Variants in PEAK1 observed in about 807,000 individuals in gnomAD.
PEAK1 encodes pseudopodium enriched atypical kinase 1, also known as inactive tyrosine-protein kinase PEAK1.
A neutral mutation model predicts 124.7 loss-of-function variants in PEAK1; 54 were observed. The ratio of observed to expected loss-of-function variants is 0.43; its 90% CI spans 0.35 to 0.54. PEAK1 has a LOEUF of 0.54. PEAK1 is among the 20% of genes least tolerant of loss of function. The pLI is 0.01. For missense variants in PEAK1, 2,046 were observed against 2,134.5 expected (o/e 0.96, Z 0.82); for synonymous variants, 719 against 760.0 (o/e 0.95, Z 0.89).
At chr15:77,175,349 T>C (rs1227498059) in intron 7 of PEAK1, among the ~76,000 whole-genome samples, 2 of 152,072 alleles carry the variant, frequency 1.3e-5, no homozygotes, top group African/African-American at 4.8e-5. Flanking sequence ...TCACAACCTA[T>C]TCATCTGACA....
exon 7 of PEAK1, chr15:77,103,087 A>C (rs2050710671): frequency 6.6e-6 from 1 of 152,172 alleles, no homozygotes; most frequent in Non-Finnish European, 1.5e-5. Flanking sequence ...ATGTTATGTA[A>C]TGCTATTATT....
At chr15:77,131,995 T>TA (rs1045235956) in intron 9 of PEAK1, among the ~76,000 whole-genome samples, 1 of 151,822 alleles carries the variant, frequency 6.6e-6, no homozygotes. Context: ...CACTCCAGCC[T>TA]AAAAAAAAGA....
At chr15:77,265,339 T>A (rs2061666467) in intron 5 of PEAK1, among the ~76,000 whole-genome samples, 1 of 151,554 alleles carries the variant, frequency 6.6e-6, no homozygotes. Flanking sequence ...TGGGAGAAAA[T>A]TTTCGCAACC....
intron 1 of PEAK1, among the ~76,000 whole-genome samples, chr15:77,394,558 G>T (rs545736656): frequency 6.6e-6 from 1 of 152,156 alleles, no homozygotes; most frequent in Non-Finnish European, 1.5e-5. Context: ...TGCAAAAGCC[G>T]GTGTTACTGG....
At chr15:77,395,593 A>G (rs774228136) in intron 1 of PEAK1, among the ~76,000 whole-genome samples, 4 of 152,206 alleles carry the variant, frequency 2.6e-5, no homozygotes, top group African/African-American at 4.8e-5. Context: ...GTGTAGCTCC[A>G]ATAAGACTGG....
At chr15:77,265,637 A>G (rs1257639037) in intron 5 of PEAK1, among the ~76,000 whole-genome samples, 2 of 151,852 alleles carry the variant, frequency 1.3e-5, no homozygotes, top group African/African-American at 2.4e-5. Context: ...GAGAAATAGG[A>G]ACACTTTTAC....
chr15:77,382,437 C>A (rs1266166114), intron 1 of PEAK1, among the ~76,000 whole-genome samples: 3 of 152,178 alleles, frequency 2.0e-5, no homozygotes, highest in Non-Finnish European at 4.4e-5. Flanking sequence ...TACTCTTTCG[C>A]CTTGTCTGTG....
At chr15:77,207,370 C>A (rs2058711192) in intron 6 of PEAK1, among the ~76,000 whole-genome samples, 1 of 152,072 alleles carries the variant, frequency 6.6e-6, no homozygotes. Context: ...CCAACAAAAT[C>A]TCAATTATGA....
At chr15:77,220,988 T>C (rs2059363633) in intron 6 of PEAK1, among the ~76,000 whole-genome samples, 1 of 152,062 alleles carries the variant, frequency 6.6e-6, no homozygotes, top group South Asian at 2.1e-4. Context: ...GACTAATAAA[T>C]AACAAGATAT....
chr15:77,366,742 G>A (rs191872004), intron 1 of PEAK1, among the ~76,000 whole-genome samples: 238 of 152,228 alleles, frequency 1.6e-3, no homozygotes, highest in African/African-American at 5.6e-3. Context: ...ATTTTTTGTA[G>A]AGATGGGGTT....
chr15:77,403,452 AT>A, intron 1 of PEAK1: 1 of 930,260 alleles, frequency 1.1e-6, no homozygotes, highest in Non-Finnish European at 1.3e-6. Context: ...AGGGTAAATA[AT>A]TATTAAAGAG....
Position 77,374,628 on chromosome 15 carries a change from T to C in PEAK1, c.-665-9403A>G, listed in dbSNP as rs532924068. On this transcript the variant is annotated intron_variant, in intron 1 of 9. Coordinates refer to ENST00000682557, the MANE Select transcript of PEAK1 (RefSeq NM_001385026.1). The stretch of plus-strand genomic sequence containing the variant: ...TAACAATCTTTTTAGGCTCCTTCCT[T>C]TCTGGTAAATACTTTAAATATCACT... Among the ~76,000 whole-genome samples the C allele has an allele frequency of 8.5e-5, 13 of 152,230 alleles. No individual in the cohort carries two copies. In the South Asian group the frequency reaches 2.5e-3, roughly 29 times the overall value.
chr15:77,277,512 T>C (rs2062397732), intron 5 of PEAK1, among the ~76,000 whole-genome samples: 3 of 152,148 alleles, frequency 2.0e-5, no homozygotes, highest in Non-Finnish European at 4.4e-5. Flanking sequence ...ATGGAACTAA[T>C]AGGGGAAACT....
intron 2 of PEAK1, among the ~76,000 whole-genome samples, chr15:77,322,421 A>G (rs1420977388): frequency 1.3e-5 from 2 of 152,182 alleles, no homozygotes; most frequent in Non-Finnish European, 2.9e-5. Context: ...AATCAAATAG[A>G]CGCAATAAAA....
intron 6 of PEAK1, among the ~76,000 whole-genome samples, chr15:77,230,628 T>C (rs1330136340): frequency 6.6e-6 from 1 of 152,074 alleles, no homozygotes; most frequent in East Asian, 1.9e-4. Context: ...CTGGGCACAG[T>C]GGCTCATACC....
intron 2 of PEAK1, among the ~76,000 whole-genome samples, chr15:77,299,177 C>G (rs1388478359): frequency 2.0e-5 from 3 of 152,148 alleles, no homozygotes; most frequent in African/African-American, 7.2e-5. Flanking sequence ...ATCAGTATTT[C>G]CCTTTAATAT....
At chr15:77,135,086 A>C (rs2053199077) in intron 8 of PEAK1, among the ~76,000 whole-genome samples, 2 of 152,224 alleles carry the variant, frequency 1.3e-5, no homozygotes, top group African/African-American at 4.8e-5. Flanking sequence ...CTCAGAGGGA[A>C]CACAGTCCTG....
At chr15:77,234,484 T>C (rs778158235) in intron 6 of PEAK1, among the ~76,000 whole-genome samples, 12 of 152,044 alleles carry the variant, frequency 7.9e-5, no homozygotes, top group Non-Finnish European at 1.6e-4. Flanking sequence ...CATGCTTCCA[T>C]GAAAAATGTA....
intron 9 of PEAK1, among the ~76,000 whole-genome samples, chr15:77,132,666 CA>C (rs2052971068): frequency 7.9e-6 from 1 of 126,196 alleles, no homozygotes; most frequent in Admixed American, 9.7e-5. Flanking sequence ...TTGCATTCCA[CA>C]ATGGGCAACA....
Sources: gnomAD v4.1 joint callset for allele counts (sites outside exome capture counted in the v4.1 genomes callset) on GRCh38, gnomAD v4.1.1 for gene constraint, MANE v1.5 for transcripts, NCBI Gene and HGNC (gene_info 2026-07-23, HGNC 2026-07-21) for gene names.